RNF135: variants seen among roughly 807,000 people sequenced by gnomAD.
RNF135 encodes E3 ubiquitin-protein ligase RNF135.
In RNF135, 46 loss-of-function variants were observed where a neutral mutation model predicts 41.9. The ratio of observed to expected loss-of-function variants is 1.10; its 90% CI spans 0.87 to 1.40. The LOEUF (loss-of-function observed/expected upper bound fraction) is 1.40. Among genes scored for constraint, RNF135 ranks in the 40% most tolerant of loss-of-function variants. The pLI is 0.00. For synonymous variants in RNF135, 238 were observed against 223.8 expected (o/e 1.06, Z -0.57); for missense variants, 539 against 549.8 (o/e 0.98, Z 0.20).
chr17:30,969,468 C>G (rs1905707459), upstream of RNF135: 1 of 152,234 alleles, frequency 6.6e-6, no homozygotes, highest in Admixed American at 6.5e-5. Context: ...AGGGAGTCTG[C>G]TCATCTTAGC....
At position 30,987,187 on chromosome 17, in the gene RNF135, C is replaced by T. The variant is rs539626779; in HGVS notation, c.517-757C>T. Reference sequence around the variant, plus strand: ...GATGCAGGCAATTTGAGAGGGAGCTCTTGCGAAGTGAAATGATATAATGAT... The same window carrying T: ...GATGCAGGCAATTTGAGAGGGAGCTTTTGCGAAGTGAAATGATATAATGAT... On this transcript the variant is annotated intron_variant, in intron 2 of 4. Coordinates refer to ENST00000328381, the MANE Select transcript of RNF135 (RefSeq NM_032322.4). Among the ~76,000 whole-genome samples, 7 of 151,014 alleles carry T rather than the reference C, an allele frequency of 4.6e-5. No individual in the cohort carries two copies. In the East Asian group the frequency reaches 1.2e-3, roughly 25 times the overall value.
At chr17:30,966,707 G>T (rs901553230), upstream of RNF135, among the ~76,000 whole-genome samples, 1 of 148,888 alleles carries the variant, frequency 6.7e-6, no homozygotes. Context: ...CGGTTTCACC[G>T]TGTTTGCCAG....
At chr17:30,986,449 C>A (rs1907596349) in intron 2 of RNF135, among the ~76,000 whole-genome samples, 1 of 152,220 alleles carries the variant, frequency 6.6e-6, no homozygotes, top group African/African-American at 2.4e-5. Context: ...CCTGCCTCGG[C>A]CTCCCAAAGT....
chr17:30,975,707 C>T (rs1395128753), intron 1 of RNF135: 2 of 1,418,310 alleles, frequency 1.4e-6, no homozygotes, highest in Non-Finnish European at 2.0e-6. Context: ...AGACACACTA[C>T]CCAGATTGCC....
At chr17:30,979,250 C>CCCCCA (rs1224128260) in intron 1 of RNF135, 18 of 144,354 alleles carry the variant, frequency 1.2e-4, no homozygotes, top group African/African-American at 4.8e-4. Flanking sequence ...ACCCCCCCCC[C>CCCCCA]CACCCTCCCG....
At chr17:30,989,708 A>C (rs996064126) in intron 3 of RNF135, among the ~76,000 whole-genome samples, 1 of 152,136 alleles carries the variant, frequency 6.6e-6, no homozygotes, top group African/African-American at 2.4e-5. Context: ...GCTACTTAAA[A>C]AATCATTTCT....
At chr17:30,975,625 G>T (rs771865390) in intron 1 of RNF135, 72 of 1,018,270 alleles carry the variant, frequency 7.1e-5, no homozygotes, top group Non-Finnish European at 9.9e-5. Flanking sequence ...AGCATATTCA[G>T]CAAAAACAAG....
At chr17:30,995,148 G>A (rs1908253872) in intron 3 of RNF135, among the ~76,000 whole-genome samples, 1 of 151,754 alleles carries the variant, frequency 6.6e-6, no homozygotes, top group Non-Finnish European at 1.5e-5. Context: ...AGCACTTTGG[G>A]AGGCCGAGGC....
Position 30,999,345 on chromosome 17 carries a change from C to T in RNF135, c.*154C>T. ...CCCAGGCTGGTGTCGAATTCCTGGT[C>T]TCAAGCAGTCCTCCCACCTCAGCCT... is the stretch of plus-strand genomic sequence containing the variant. On this transcript the variant is annotated 3_prime_UTR_variant, in exon 5 of 5. Transcript: ENST00000328381. 1.2e-6 allele frequency: 1 copy of T among 804,200 alleles called. No homozygotes were observed. Among genetic ancestry groups the T allele is most frequent in the Non-Finnish European group, 2.0e-6 (1 of 496,608 alleles). The allele number at this position is 804,200 out of a possible 1,614,324, so 49.8% of individuals were successfully genotyped here.
Position 30,971,181 on chromosome 17 carries a change from C to G in RNF135, c.108C>G (p.Cys36Trp). ...GLLDWPATLP[C>W]GHSFCRHCLE... ...TGGACTGGCCCGCCACGCTGCCCTGCGGCCACAGCTTCTGCCGCCACTGCC... is the reference window on the plus strand; with the variant it reads ...TGGACTGGCCCGCCACGCTGCCCTGGGGCCACAGCTTCTGCCGCCACTGCC... Residue 36 changes from cysteine (C) to tryptophan (W), a missense_variant, in exon 1 of 5, where the codon TGC becomes TGG. Cys to Trp is a radical substitution (Grantham distance 215, BLOSUM62 -2). Transcript: ENST00000328381. The G allele has an allele frequency of 1.3e-6, 2 of 1,526,804 alleles. No individual in the cohort carries two copies. The highest frequency in any genetic ancestry group is 1.7e-6 in the Non-Finnish European group (2 of 1,143,284). The allele number at this position is 1,526,804 out of a possible 1,614,324, so 94.6% of individuals were successfully genotyped here.
chr17:30,964,875 G>A, the RNF135 span: 1 of 152,016 alleles, frequency 6.6e-6, no homozygotes, highest in East Asian at 1.9e-4. Context: ...GTAGAGATGA[G>A]GTTTCACCAT....
chr17:30,998,230 T>C (rs926083286), intron 4 of RNF135, among the ~76,000 whole-genome samples: 14 of 152,150 alleles, frequency 9.2e-5, no homozygotes, highest in Non-Finnish European at 2.9e-5. Flanking sequence ...GGCCTGATTT[T>C]TAAAATTGAC....
At chr17:30,970,999 G>A, upstream of RNF135, 3 of 1,525,500 alleles carry the variant, frequency 2.0e-6, no homozygotes, top group South Asian at 1.2e-5. Context: ...AAGGGGAAGA[G>A]GAAGGGCGAG....
chr17:30,989,294 G>A (rs542445961), intron 3 of RNF135, among the ~76,000 whole-genome samples: 32 of 152,148 alleles, frequency 2.1e-4, no homozygotes, highest in African/African-American at 3.6e-4. Flanking sequence ...CTTGAGCCAC[G>A]GGTTCAAGGC....
At chr17:30,992,276 C>A (rs907996805) in intron 3 of RNF135, among the ~76,000 whole-genome samples, 1 of 152,046 alleles carries the variant, frequency 6.6e-6, no homozygotes, top group Admixed American at 6.6e-5. Context: ...CTGTTTTGCC[C>A]AGGCTGGTCT....
intron 1 of RNF135, 23 bp downstream of exon 1, chr17:30,971,468 T>TC (rs762825184): frequency 6.8e-6 from 10 of 1,476,650 alleles, no homozygotes; most frequent in Middle Eastern, 2.4e-4. Context: ...GGCCCGCAGC[T>TC]CCCCTGGCTC....
At chr17:30,979,687 C>T (rs1178382395) in intron 1 of RNF135, among the ~76,000 whole-genome samples, 138 of 115,712 alleles carry the variant, frequency 1.2e-3, no homozygotes, top group Middle Eastern at 5.7e-3. Context: ...CCCTCCCGGA[C>T]GGGGCGGCTG....
upstream of RNF135, among the ~76,000 whole-genome samples, chr17:30,967,916 C>T (rs531061006): frequency 2.0e-5 from 3 of 151,966 alleles, no homozygotes; most frequent in South Asian, 4.2e-4. Context: ...CCGCCTGCCT[C>T]GGCCTCCCAA....
upstream of RNF135, among the ~76,000 whole-genome samples, chr17:30,967,502 G>GA (rs1388104852): frequency 6.6e-6 from 1 of 151,900 alleles, no homozygotes; most frequent in Non-Finnish European, 1.5e-5. Flanking sequence ...AAATCCAGGG[G>GA]AAAAAATTTA....
Sources: gnomAD v4.1 joint callset for allele counts (sites outside exome capture counted in the v4.1 genomes callset) on GRCh38, gnomAD v4.1.1 for gene constraint, MANE v1.5 for transcripts, NCBI Gene and HGNC (gene_info 2026-07-23, HGNC 2026-07-21) for gene names.